Variants in BCCIP observed in about 807,000 individuals in gnomAD.
BCCIP encodes BRCA2 and CDKN1A-interacting protein.
A neutral mutation model predicts 32.8 loss-of-function variants in BCCIP; 23 were observed. The observed-to-expected ratio is 0.70, with a 90% confidence interval of 0.51 to 0.99. The LOEUF is 0.99. Among genes scored for constraint, BCCIP ranks in the 50% least tolerant of loss-of-function variants. The probability of loss-of-function intolerance (pLI) is 0.00; values close to 1 mark genes in which losing one functional copy is unlikely to be tolerated. For missense variants in BCCIP, 378 were observed against 379.8 expected (o/e 1.00, Z 0.04); for synonymous variants, 144 against 137.6 (o/e 1.05, Z -0.33).
At chr10:125,827,270 C>T (rs1257579554) in intron 2 of BCCIP, among the ~76,000 whole-genome samples, 3 of 151,942 alleles carry the variant, frequency 2.0e-5, no homozygotes, top group Non-Finnish European at 2.9e-5. Flanking sequence ...ATAGCTCTAC[C>T]GTCTTTTTCA....
At position 125,836,303 on chromosome 10, in the gene BCCIP, G is replaced by A; in HGVS notation, c.*29G>A. 6.2e-7 allele frequency: 1 copy of A among 1,612,648 alleles called. No individual in the cohort carries two copies. The highest frequency in any genetic ancestry group is 8.5e-7 in the Non-Finnish European group (1 of 1,179,586). ...ATTTCCAATGGACAGTGATGGGCTT[G>A]TTTTTGTAAAATTACCAGAAAACTC... On this transcript the variant is annotated 3_prime_UTR_variant, in exon 7 of 7. Transcript: ENST00000278100.
At position 125,831,584 on chromosome 10, in the gene BCCIP, T is replaced by C; in HGVS notation, c.576T>C (p.Ala192=). 6.2e-7 allele frequency: 1 copy of C among 1,613,820 alleles called. No homozygotes were observed. The highest frequency in any genetic ancestry group is 8.5e-7 in the Non-Finnish European group (1 of 1,179,816). ...ERFINVPPQI[A]LPMYQQLQKE... ...TCATTAATGTCCCTCCACAGATCGC[T>C]CTGCCCATGTACCAGCAGCTTCAGT... The change falls in exon 5 of 7, where the codon GCT becomes GCC. Residue 192 remains alanine (A), a synonymous_variant. Coordinates refer to ENST00000278100, the MANE Select transcript of BCCIP (RefSeq NM_078468.3).
chr10:125,846,167 C>T (rs561471942), downstream of BCCIP, among the ~76,000 whole-genome samples: 4 of 152,322 alleles, frequency 2.6e-5, no homozygotes, highest in Non-Finnish European at 5.9e-5. Context: ...AAATTACCAA[C>T]GGTCTCCACT....
At chr10:125,852,795 T>C (rs1219094979) in intron 7 of BCCIP, among the ~76,000 whole-genome samples, 5 of 152,234 alleles carry the variant, frequency 3.3e-5, no homozygotes, top group Admixed American at 2.6e-4. Flanking sequence ...ATTGTTTCAC[T>C]TGCCTTGAGA....
At chr10:125,842,971 G>A (rs1454108641), downstream of BCCIP, among the ~76,000 whole-genome samples, 1 of 151,626 alleles carries the variant, frequency 6.6e-6, no homozygotes, top group Non-Finnish European at 1.5e-5. Context: ...AAGTAATTGC[G>A]GTTTTTGCCA....
chr10:125,840,818 TAATA>T, downstream of BCCIP: 1 of 1,540,738 alleles, frequency 6.5e-7, no homozygotes, highest in Non-Finnish European at 8.8e-7. Flanking sequence ...AAGGTGGAAT[TAATA>T]GGTAGTTTCT....
chr10:125,852,304 A>G, intron 7 of BCCIP: 1 of 1,614,106 alleles, frequency 6.2e-7, no homozygotes, highest in Non-Finnish European at 8.5e-7. Flanking sequence ...TGGTCTGTTC[A>G]TGAAGTCACA....
chr10:125,843,125 T>G (rs1356799577), downstream of BCCIP, among the ~76,000 whole-genome samples: 2 of 152,240 alleles, frequency 1.3e-5, no homozygotes, highest in African/African-American at 4.8e-5. Flanking sequence ...AGAAAGCTGC[T>G]GTATTGTTAT....
chr10:125,831,027 C>G (rs570651731), intron 4 of BCCIP, among the ~76,000 whole-genome samples: 3 of 152,348 alleles, frequency 2.0e-5, no homozygotes, highest in Non-Finnish European at 4.4e-5. Flanking sequence ...TTCGATTCAT[C>G]TCTTTTTATT....
At chr10:125,848,694 C>A (rs1216758736) in intron 7 of BCCIP, among the ~76,000 whole-genome samples, 1 of 152,202 alleles carries the variant, frequency 6.6e-6, no homozygotes, top group Non-Finnish European at 1.5e-5. Context: ...GCTTCTCACA[C>A]CCATTAAAAC....
At chr10:125,839,464 T>A (rs1204047948), downstream of BCCIP, among the ~76,000 whole-genome samples, 1 of 152,226 alleles carries the variant, frequency 6.6e-6, no homozygotes, top group African/African-American at 2.4e-5. Context: ...CTGTTCCTAG[T>A]GGTGACTGAA....
chr10:125,852,720 C>A, intron 7 of BCCIP: 3 of 1,276,444 alleles, frequency 2.4e-6, no homozygotes, highest in South Asian at 1.4e-5. Context: ...AGAGAATATG[C>A]TGCGCAGTAC....
intron 7 of BCCIP, among the ~76,000 whole-genome samples, chr10:125,851,920 CAAAAAAAAAAA>C (rs56380138): frequency 1.2e-5 from 1 of 86,788 alleles, no homozygotes. Context: ...GACCCTGTCT[CAAAAAAAAAAA>C]AAAAAAAAAA....
At chr10:125,839,136 T>C (rs1854794109), downstream of BCCIP, 1 of 1,614,254 alleles carries the variant, frequency 6.2e-7, no homozygotes, top group African/African-American at 1.3e-5. Context: ...CATCTGCCAT[T>C]CTGAGTGCTG....
chr10:125,837,238 A>G (rs1854720733), downstream of BCCIP, among the ~76,000 whole-genome samples: 1 of 151,900 alleles, frequency 6.6e-6, no homozygotes, highest in Non-Finnish European at 1.5e-5. Context: ...AACTAGTACC[A>G]CTCCACATCC....
At chr10:125,839,260 T>A, downstream of BCCIP, 1 of 1,503,006 alleles carries the variant, frequency 6.7e-7, no homozygotes, top group Non-Finnish European at 9.1e-7. Context: ...GGCCAGGCAG[T>A]TGCCATCTTT....
chr10:125,851,995 A>T (rs1257849171), intron 7 of BCCIP, among the ~76,000 whole-genome samples: 1 of 151,256 alleles, frequency 6.6e-6, no homozygotes, highest in Non-Finnish European at 1.5e-5. Context: ...CTGCTGATTC[A>T]CCCTTACGCT....
Position 125,823,557 on chromosome 10 carries a change from C to T in BCCIP, c.-1C>T, listed in dbSNP as rs992485395. 5.0e-6 allele frequency: 8 copies of T among 1,613,414 alleles called. No homozygotes were observed. In the South Asian group the frequency reaches 7.7e-5, roughly 16 times the overall value. Reference sequence around the variant, plus strand: ...TGCGCAGGCGCAGTGTGAGCGGCAACATGGCGTCCAGGTCTAAGCGGCGTG... The same window carrying T: ...TGCGCAGGCGCAGTGTGAGCGGCAATATGGCGTCCAGGTCTAAGCGGCGTG... On this transcript the variant is annotated 5_prime_UTR_variant, in exon 1 of 7. Coordinates refer to ENST00000278100, the MANE Select transcript of BCCIP (RefSeq NM_078468.3).
In BCCIP at chr10:125,823,725, GAGA is replaced by G. The variant is rs1251229846; in HGVS notation, c.165+6_165+8del. 3 of 1,613,846 alleles carry G rather than the reference GAGA, an allele frequency of 1.9e-6. No individual in the cohort carries two copies. The African/African-American group carries it at 4.0e-5, about 22-fold the overall frequency. ...AAGAGGACGAGGTCATTGACGAGGT[GAGA>G]AGGACACGCTCCCCTAGTTGGTTTA... On this transcript the variant is annotated splice_donor_5th_base_variant and intron_variant, in intron 1 of 6. Coordinates refer to ENST00000278100, the MANE Select transcript of BCCIP (RefSeq NM_078468.3).
Sources: allele counts gnomAD v4.1 joint callset (sites outside exome capture counted in the v4.1 genomes callset), GRCh38; gene constraint gnomAD v4.1.1; transcripts MANE v1.5; gene names NCBI Gene and HGNC (gene_info 2026-07-23, HGNC 2026-07-21).